The following GRID2 variants were observed in gnomAD, a reference collection of about 807,000 sequenced individuals.
GRID2 encodes the protein glutamate receptor ionotropic, delta-2.
In GRID2, 33 loss-of-function variants were observed where a neutral mutation model predicts 114.8. The ratio of observed to expected loss-of-function variants is 0.29; its 90% CI spans 0.22 to 0.38. GRID2 has a LOEUF of 0.38. Among genes scored for constraint, GRID2 ranks in the 10% least tolerant of loss-of-function variants. The pLI is 1.00. For missense variants in GRID2, 1,184 were observed against 1,257.7 expected, an observed-to-expected ratio of 0.94 and a Z score of 0.89; for synonymous variants, 505 against 449.9, an observed-to-expected ratio of 1.12 and a Z score of -1.55.
At chr4:92,426,739 C>G (rs1472383789) in intron 1 of GRID2, among the ~76,000 whole-genome samples, 1 of 151,974 alleles carries the variant, frequency 6.6e-6, no homozygotes, top group African/African-American at 2.4e-5. Context: ...ATTTTTTTCA[C>G]CTTTTCTTTC....
intron 2 of GRID2, among the ~76,000 whole-genome samples, chr4:93,036,927 C>G (rs1724985721): frequency 6.6e-6 from 1 of 152,096 alleles, no homozygotes; most frequent in Non-Finnish European, 1.5e-5. Flanking sequence ...CTTCAATTAA[C>G]TAAATATAAC....
intron 8 of GRID2, among the ~76,000 whole-genome samples, chr4:93,322,082 A>G (rs1312436759): frequency 3.4e-5 from 5 of 149,138 alleles, no homozygotes; most frequent in Admixed American, 3.3e-4. Context: ...GTTCTAGGGT[A>G]CAAGTGCACA....
intron 2 of GRID2, among the ~76,000 whole-genome samples, chr4:92,797,116 C>T (rs886422087): frequency 6.6e-6 from 1 of 151,874 alleles, no homozygotes; most frequent in African/African-American, 2.4e-5. Context: ...TCAACTTTTT[C>T]TTGTAATATC....
chr4:92,621,948 AAGG>A (rs1321253829), intron 2 of GRID2, among the ~76,000 whole-genome samples: 4 of 151,850 alleles, frequency 2.6e-5, no homozygotes, highest in Non-Finnish European at 5.9e-5. Context: ...TTGGTTTAGA[AAGG>A]AGCTAAAGAG....
At chr4:93,508,026 A>G (rs1728800279) in intron 12 of GRID2, among the ~76,000 whole-genome samples, 1 of 152,048 alleles carries the variant, frequency 6.6e-6, no homozygotes, top group Non-Finnish European at 1.5e-5. Context: ...GGGAATTGGG[A>G]GGGATAGCAT....
chr4:92,570,646 G>C (rs1165725473), intron 1 of GRID2, among the ~76,000 whole-genome samples: 1 of 151,894 alleles, frequency 6.6e-6, no homozygotes, highest in Non-Finnish European at 1.5e-5. Context: ...GTGGTTTATA[G>C]TTTTTCTTGA....
intron 13 of GRID2, among the ~76,000 whole-genome samples, chr4:93,535,955 C>A (rs546461136): frequency 6.6e-6 from 1 of 151,504 alleles, no homozygotes; most frequent in South Asian, 2.1e-4. Context: ...GGTGTAATAG[C>A]CAAAAATATC....
chr4:93,320,210 A>T (rs899515114), intron 8 of GRID2, among the ~76,000 whole-genome samples: 2 of 152,102 alleles, frequency 1.3e-5, no homozygotes, highest in Non-Finnish European at 2.9e-5. Context: ...TAAGTGGAGG[A>T]TAAGGGGTGG....
rs1348397150 is a variant in GRID2 at position 93,729,623 on chromosome 4, G to A, written c.2361-39587G>A. ...TGCAGTGGCACGATCTTGGCTCACT[G>A]CAATCTCCACCTCCTAGGTTCAAGC... is the stretch of plus-strand genomic sequence containing the variant. On this transcript the variant is annotated intron_variant, in intron 14 of 15. Transcript: ENST00000282020. Among the ~76,000 whole-genome samples the A allele has an allele frequency of 5.9e-5, 9 of 151,646 alleles. No homozygotes were observed. In the East Asian group the frequency reaches 1.8e-3, roughly 29 times the overall value.
intron 2 of GRID2, among the ~76,000 whole-genome samples, chr4:92,825,293 C>A (rs1013165927): frequency 6.6e-6 from 1 of 152,120 alleles, no homozygotes; most frequent in Non-Finnish European, 1.5e-5. Flanking sequence ...TCCATTGGGG[C>A]TCGCAGTCTG....
At chr4:93,510,393 G>C (rs4693327) in intron 12 of GRID2, among the ~76,000 whole-genome samples, 125,727 of 152,120 alleles carry the variant, frequency 0.83, 52,617 homozygotes, top group African/African-American at 0.96. Flanking sequence ...GACATCTACT[G>C]TCTTGTTAAA....
chr4:92,349,942 A>T lies in GRID2; in HGVS notation c.88+45198A>T, dbSNP rs192094881. ...TCTTCCACCTGCTTCTATCCCAATC[A>T]CAAATTTCTCTCTGAAAAAGTAGCA... is the stretch of plus-strand genomic sequence containing the variant. On this transcript the variant is annotated intron_variant, in intron 1 of 15. Transcript: ENST00000282020. Among the ~76,000 whole-genome samples, 556 of 152,048 alleles carry T rather than the reference A, an allele frequency of 3.7e-3. 4 individuals are homozygous for T. Among genetic ancestry groups the T allele is most frequent in the African/African-American group, 0.012 (515 of 41,562 alleles).
chr4:93,633,395 C>G (rs1190817462), intron 14 of GRID2, among the ~76,000 whole-genome samples: 1 of 152,018 alleles, frequency 6.6e-6, no homozygotes, highest in Non-Finnish European at 1.5e-5. Flanking sequence ...ATACTTCTTA[C>G]ACTTTACCTC....
chr4:93,399,101 A>T (rs1044070536), intron 9 of GRID2, among the ~76,000 whole-genome samples: 2 of 151,982 alleles, frequency 1.3e-5, no homozygotes, highest in South Asian at 2.1e-4. Flanking sequence ...ACTCAACTTG[A>T]TGTTGTCACC....
intron 2 of GRID2, among the ~76,000 whole-genome samples, chr4:92,676,321 A>T (rs987209258): frequency 1.6e-4 from 25 of 151,740 alleles, no homozygotes; most frequent in African/African-American, 4.1e-4. Context: ...CTGGGACTAC[A>T]GGTGCCCACC....
At chr4:93,707,208 T>C (rs1728078591) in intron 14 of GRID2, among the ~76,000 whole-genome samples, 1 of 152,124 alleles carries the variant, frequency 6.6e-6, no homozygotes, top group Non-Finnish European at 1.5e-5. Context: ...AGGGTAATAC[T>C]GGTCTCATAG....
At chr4:92,537,784 GGTGT>G (rs70942907) in intron 1 of GRID2, among the ~76,000 whole-genome samples, 8,023 of 125,866 alleles carry the variant, frequency 0.064, 263 homozygotes, top group Middle Eastern at 0.077. Flanking sequence ...AAAAACTTGC[GGTGT>G]GTGTGTGTGT....
chr4:93,593,731 T>C (rs1332933586), intron 13 of GRID2, among the ~76,000 whole-genome samples: 1 of 152,172 alleles, frequency 6.6e-6, no homozygotes, highest in Non-Finnish European at 1.5e-5. Flanking sequence ...TAGTCCCATA[T>C]TTCCTGGAGG....
intron 2 of GRID2, among the ~76,000 whole-genome samples, chr4:92,768,374 A>G (rs775689791): frequency 6.6e-6 from 1 of 152,134 alleles, no homozygotes; most frequent in South Asian, 2.1e-4. Flanking sequence ...CTGATCTGTG[A>G]CCTTAATGCC....
Sources: allele counts gnomAD v4.1 joint callset (sites outside exome capture counted in the v4.1 genomes callset), GRCh38; gene constraint gnomAD v4.1.1; transcripts MANE v1.5; gene names NCBI Gene and HGNC (gene_info 2026-07-23, HGNC 2026-07-21).